Variants in SPTBN4 observed in about 807,000 individuals in gnomAD.
The protein encoded by SPTBN4 is spectrin beta, non-erythrocytic 4.
SPTBN4 carries 96 observed loss-of-function variants against 277.8 expected under a neutral mutation model. The observed-to-expected ratio is 0.35, with a 90% CI of 0.29 to 0.41. SPTBN4 has a LOEUF of 0.41. SPTBN4 is among the 10% of genes least tolerant of loss of function. SPTBN4 has a pLI of 1.00. For missense variants in SPTBN4, 3,006 were observed against 3,595.7 expected (o/e 0.84, Z 4.19); for synonymous variants, 1,481 against 1,580.3 (o/e 0.94, Z 1.49).
At chr19:40,530,423 A>AGGGGGCGCACGCGGGC (rs1317665002) in intron 18 of SPTBN4, 1 of 835,604 alleles carries the variant, frequency 1.2e-6, no homozygotes, top group East Asian at 1.3e-4. Context: ...GGAGGCAGGC[A>AGGGGGCGCACGCGGGC]GGGGGCGCAC....
chr19:40,481,253 G>A (rs1008692212), intron 2 of SPTBN4, among the ~76,000 whole-genome samples: 3 of 152,038 alleles, frequency 2.0e-5, no homozygotes, highest in Admixed American at 6.6e-5. Flanking sequence ...ACAAGGTCCC[G>A]CTATGTTGCT....
In SPTBN4 at chr19:40,472,680, A is replaced by G. The variant is rs199950227; in HGVS notation, c.59A>G (p.Asn20Ser). 6 of 1,613,682 alleles carry G rather than the reference A, an allele frequency of 3.7e-6. No homozygotes were observed. Among genetic ancestry groups the G allele is most frequent in the African/African-American group, 2.7e-5 (2 of 74,978 alleles). The change falls in exon 2 of 36, where the codon AAC becomes AGC. Residue 20 changes from asparagine (N) to serine (S), a missense_variant. Asn to Ser is a conservative substitution (Grantham distance 46). Around this residue, in one of 5 missense-constraint regions of SPTBN4, gnomAD observed 78 missense variants for 65.7 expected, o/e 1.19. Coordinates refer to ENST00000598249, the MANE Select transcript of SPTBN4 (RefSeq NM_020971.3). The stretch of plus-strand genomic sequence containing the variant: ...GAGGGCCTGCCTGCTCCTAACAACA[A>G]CCCTGCTGCCCGCTGGGAGAGTCCG... ...NMEGLPAPNN[N>S]PAARWESPDR...
In SPTBN4 at chr19:40,512,576, A is replaced by G. The variant is rs749917531; in HGVS notation, c.1817-30A>G. 5 of 1,505,514 alleles carry G rather than the reference A, an allele frequency of 3.3e-6. No individual in the cohort carries two copies. The African/African-American group carries it at 4.3e-5, about 13-fold the overall frequency. 93.3% of individuals were successfully genotyped at this position (1,505,514 alleles called of 1,614,324 possible). On this transcript the variant is annotated intron_variant, in intron 13 of 35. Transcript: ENST00000598249. ...TTGGGCGCCCCTTGGCTTGTGACCAATCCTGGATGCTCCCCTTCTCCTGGC... is the reference window on the plus strand; with the variant it reads ...TTGGGCGCCCCTTGGCTTGTGACCAGTCCTGGATGCTCCCCTTCTCCTGGC...
chr19:40,487,561 G>T, intron 2 of SPTBN4, 136 bp from the exon 3 acceptor site: 1 of 1,116,392 alleles, frequency 9.0e-7, no homozygotes, highest in Non-Finnish European at 1.2e-6. Context: ...GGCCAGGCTG[G>T]TCTCGAACTC....
rs193300143 is a variant in SPTBN4, at chr19:40,567,516, C to T, written c.6337-147C>T. 1.0e-3 allele frequency: 667 copies of T among 664,652 alleles called. 4 individuals carry two copies. The African/African-American group carries it at 0.012, about 12-fold the overall frequency. The allele number at this position is 664,652 out of a possible 1,614,324, so 41.2% of individuals were successfully genotyped here. A position where few individuals can be genotyped will look rare whatever the true frequency, so the allele number is the denominator to read the frequency against. On this transcript the variant is annotated intron_variant, in intron 30 of 35. Coordinates refer to ENST00000598249, the MANE Select transcript of SPTBN4 (RefSeq NM_020971.3). The stretch of plus-strand genomic sequence containing the variant: ...TTTAAGTTCTTGGCAGAGAGCAAAG[C>T]ATCGCACAGGCCTGGACACCTTGCT...
chr19:40,516,546 G>A (rs1443688077), intron 15 of SPTBN4, among the ~76,000 whole-genome samples: 1 of 152,096 alleles, frequency 6.6e-6, no homozygotes, highest in African/African-American at 2.4e-5. Flanking sequence ...GGGCTCGGCT[G>A]GGCGTGGTAG....
intron 2 of SPTBN4, among the ~76,000 whole-genome samples, chr19:40,482,698 A>G (rs2080026067): frequency 6.6e-6 from 1 of 152,218 alleles, no homozygotes; most frequent in Non-Finnish European, 1.5e-5. Flanking sequence ...GCAGTGGCTC[A>G]TGCCTGTAAT....
At chr19:40,541,997 C>T (rs1375012277) in intron 20 of SPTBN4, among the ~76,000 whole-genome samples, 13 of 152,216 alleles carry the variant, frequency 8.5e-5, no homozygotes, top group Non-Finnish European at 1.6e-4. Flanking sequence ...TCTCAGCTCG[C>T]TGCAACCTCC....
chr19:40,537,199 G>C (rs1432575409), intron 20 of SPTBN4, among the ~76,000 whole-genome samples: 1 of 152,090 alleles, frequency 6.6e-6, no homozygotes, highest in Non-Finnish European at 1.5e-5. Context: ...TAGTAGAGAT[G>C]GGGTTTCAGC....
chr19:40,542,096 A>G (rs2080808454), intron 20 of SPTBN4, among the ~76,000 whole-genome samples: 1 of 151,734 alleles, frequency 6.6e-6, no homozygotes, highest in South Asian at 2.1e-4. Context: ...TAATTTTTGT[A>G]TTTTTAGTAG....
Position 40,484,974 on chromosome 19 carries a change from A to C in SPTBN4, c.170-2723A>C, listed in dbSNP as rs191180754. ...AAAACCAAAAAACAAAAAACAAAAA[A>C]ACCACTTTATTGGCACCCACCACCA... On this transcript the variant is annotated intron_variant, in intron 2 of 35. Transcript: ENST00000598249. 9.4e-4 allele frequency among the ~76,000 whole-genome samples: 142 copies of C among 150,996 alleles called. 1 individual carries two copies. Among genetic ancestry groups the C allele is most frequent in the African/African-American group, 3.4e-3 (139 of 41,080 alleles).
Position 40,467,210 on chromosome 19 carries a change from G to T in SPTBN4, c.-111G>T, listed in dbSNP as rs2079833932. On this transcript the variant is annotated 5_prime_UTR_variant, in exon 1 of 36. Coordinates refer to ENST00000598249, the MANE Select transcript of SPTBN4 (RefSeq NM_020971.3). ...GCGGGGCCGAGCTGAGCCGGGCTGGGCCGGGCCGGGCCGGGCCGGGCAGCG... is the reference window on the plus strand; with the variant it reads ...GCGGGGCCGAGCTGAGCCGGGCTGGTCCGGGCCGGGCCGGGCCGGGCAGCG... 1 of 150,130 alleles carries T rather than the reference G, an allele frequency of 6.7e-6. No homozygotes were observed. The highest frequency in any genetic ancestry group is 2.4e-5 in the African/African-American group (1 of 41,098). The allele number at this position is 150,130 out of a possible 1,614,324, so 9.3% of individuals were successfully genotyped here.
At chr19:40,479,631 T>TG (rs1017657928) in intron 2 of SPTBN4, among the ~76,000 whole-genome samples, 21 of 149,472 alleles carry the variant, frequency 1.4e-4, no homozygotes, top group African/African-American at 4.9e-4. Flanking sequence ...TCTTTTTCTT[T>TG]GCATGAGAAT....
chr19:40,485,123 G>T (rs559660504), intron 2 of SPTBN4, among the ~76,000 whole-genome samples: 4 of 152,118 alleles, frequency 2.6e-5, no homozygotes, highest in Non-Finnish European at 5.9e-5. Context: ...GATTACAGGC[G>T]TGAGCCACCG....
At chr19:40,574,432 G>A (rs888239692) in intron 35 of SPTBN4, among the ~76,000 whole-genome samples, 25 of 151,372 alleles carry the variant, frequency 1.7e-4, no homozygotes, top group African/African-American at 6.1e-4. Flanking sequence ...CGCAATCTCA[G>A]CTCACTGCAA....
intron 17 of SPTBN4, 95 bp downstream of exon 17, chr19:40,523,734 A>G (rs930282687): frequency 6.1e-6 from 7 of 1,153,706 alleles, no homozygotes; most frequent in Non-Finnish European, 4.9e-6. Context: ...CACTCCTTTC[A>G]TCACGATTTC....
intron 25 of SPTBN4, 103 bp from the exon 26 acceptor site, chr19:40,556,919 CT>C: frequency 7.0e-7 from 1 of 1,423,630 alleles, no homozygotes; most frequent in Non-Finnish European, 9.3e-7. Flanking sequence ...CAGAGCAAGA[CT>C]CTGTATCAAA....
At chr19:40,566,848 C>T (rs1392268462) in intron 30 of SPTBN4, among the ~76,000 whole-genome samples, 1 of 151,850 alleles carries the variant, frequency 6.6e-6, no homozygotes, top group Non-Finnish European at 1.5e-5. Context: ...GCCTGTAATC[C>T]CAGCTACTCG....
intron 32 of SPTBN4, 126 bp downstream of exon 32, chr19:40,569,852 G>A: frequency 2.3e-6 from 2 of 879,384 alleles, no homozygotes; most frequent in South Asian, 1.8e-5. Flanking sequence ...TGCAGAGACA[G>A]CATGGACTCT....
Sources: allele counts gnomAD v4.1 joint callset (sites outside exome capture counted in the v4.1 genomes callset), GRCh38; gene constraint gnomAD v4.1.1; regional missense constraint gnomAD v4.1.1; transcripts MANE v1.5; gene names NCBI Gene and HGNC (gene_info 2026-07-23, HGNC 2026-07-21).